The following IQCJ variants were observed in gnomAD, a reference collection of about 807,000 sequenced individuals.
IQCJ encodes the protein IQ domain-containing protein J.
A neutral mutation model predicts 11.0 loss-of-function variants in IQCJ; 9 were observed. That is an observed-to-expected ratio of 0.82 (90% CI 0.49 to 1.43). The LOEUF is 1.43. Among genes scored for constraint, IQCJ ranks in the 40% most tolerant of loss-of-function variants. The pLI, the probability that IQCJ is intolerant of heterozygous loss-of-function variation, is 0.00. For missense variants in IQCJ, 146 were observed against 133.2 expected, an observed-to-expected ratio of 1.10 and a Z score of -0.47; for synonymous variants, 55 against 51.3, an observed-to-expected ratio of 1.07 and a Z score of -0.31.
chr3:159,229,116 C>G (rs1726036253), intron 1 of IQCJ, among the ~76,000 whole-genome samples: 1 of 152,220 alleles, frequency 6.6e-6, no homozygotes, highest in Admixed American at 6.5e-5. Flanking sequence ...GTCTCTGTCT[C>G]TGACAATAAA....
chr3:159,223,011 C>A (rs527751741), intron 1 of IQCJ, among the ~76,000 whole-genome samples: 1 of 151,872 alleles, frequency 6.6e-6, no homozygotes, highest in East Asian at 1.9e-4. Flanking sequence ...TTTCATTATG[C>A]CAGAAGAAAA....
At chr3:159,231,730 G>A (rs1726260966) in intron 1 of IQCJ, among the ~76,000 whole-genome samples, 1 of 152,136 alleles carries the variant, frequency 6.6e-6, no homozygotes, top group South Asian at 2.1e-4. Flanking sequence ...TGTACCTCTG[G>A]TAGAATTCGG....
intron 1 of IQCJ, among the ~76,000 whole-genome samples, chr3:159,078,928 A>G (rs1716123025): frequency 6.6e-6 from 1 of 152,120 alleles, no homozygotes; most frequent in South Asian, 2.1e-4. Context: ...AGTGCATGGT[A>G]GATAGCAGAG....
At chr3:159,072,999 G>A (rs558148404) in intron 1 of IQCJ, among the ~76,000 whole-genome samples, 4 of 152,146 alleles carry the variant, frequency 2.6e-5, no homozygotes, top group African/African-American at 9.7e-5. Context: ...AGTAGTGCAA[G>A]TGGTTTATTT....
chr3:159,248,243 T>G (rs1286685389), intron 2 of IQCJ, among the ~76,000 whole-genome samples: 1 of 152,190 alleles, frequency 6.6e-6, no homozygotes, highest in African/African-American at 2.4e-5. Flanking sequence ...CCTTTCCATC[T>G]GGGCAAGGGT....
At chr3:159,075,193 T>C (rs912467990) in intron 1 of IQCJ, among the ~76,000 whole-genome samples, 6 of 152,158 alleles carry the variant, frequency 3.9e-5, no homozygotes, top group Non-Finnish European at 5.9e-5. Context: ...CAATGCAATA[T>C]GAGAAGCTCA....
At chr3:159,170,039 T>C (rs1722407456) in intron 1 of IQCJ, among the ~76,000 whole-genome samples, 1 of 152,168 alleles carries the variant, frequency 6.6e-6, no homozygotes, top group Non-Finnish European at 1.5e-5. Context: ...CCTTAGTAAG[T>C]GGTTAGTAAA....
At chr3:159,215,037 AG>A (rs1159038530) in intron 1 of IQCJ, among the ~76,000 whole-genome samples, 1 of 152,184 alleles carries the variant, frequency 6.6e-6, no homozygotes, top group African/African-American at 2.4e-5. Context: ...GGACCCCTAT[AG>A]TAAAGACAGG....
At chr3:159,069,610 CT>C (rs1715403866) in intron 1 of IQCJ, 169 bp downstream of exon 1, 2 of 865,814 alleles carry the variant, frequency 2.3e-6, no homozygotes, top group African/African-American at 3.4e-5. Context: ...TGCATGTGTC[CT>C]TGTTAATGTA....
chr3:159,250,309 GGT>G (rs982844566), intron 2 of IQCJ, among the ~76,000 whole-genome samples: 8 of 152,046 alleles, frequency 5.3e-5, no homozygotes, highest in African/African-American at 1.9e-4. Context: ...GAAAACATTA[GGT>G]CTGTCTTTGT....
At chr3:159,256,910 C>T (rs914966507) in intron 3 of IQCJ, among the ~76,000 whole-genome samples, 7 of 152,120 alleles carry the variant, frequency 4.6e-5, no homozygotes, top group African/African-American at 1.4e-4. Flanking sequence ...AATTTACATA[C>T]ATTATCCTTG....
At chr3:159,111,671 G>T (rs948577321) in intron 1 of IQCJ, among the ~76,000 whole-genome samples, 2 of 152,088 alleles carry the variant, frequency 1.3e-5, no homozygotes, top group African/African-American at 4.8e-5. Context: ...ATGGTGGAAT[G>T]CATCTGCTTG....
chr3:159,224,427 A>T (rs892299376), intron 1 of IQCJ, among the ~76,000 whole-genome samples: 8 of 152,212 alleles, frequency 5.3e-5, no homozygotes, highest in Admixed American at 1.3e-4. Context: ...AAAGAAAATA[A>T]GATTTGTCCT....
At chr3:159,241,746 T>C (rs540153212) in intron 1 of IQCJ, among the ~76,000 whole-genome samples, 11 of 152,350 alleles carry the variant, frequency 7.2e-5, no homozygotes, top group African/African-American at 2.2e-4. Flanking sequence ...GCAACTACTA[T>C]GTGCTGGGCA....
chr3:159,160,340 T>C (rs1721765880), intron 1 of IQCJ, among the ~76,000 whole-genome samples: 2 of 152,026 alleles, frequency 1.3e-5, no homozygotes, highest in South Asian at 4.2e-4. Flanking sequence ...TCTTGCTCTG[T>C]CACCAAAGCT....
intron 1 of IQCJ, among the ~76,000 whole-genome samples, chr3:159,147,340 C>T (rs1159700657): frequency 6.6e-6 from 1 of 152,206 alleles, no homozygotes; most frequent in African/African-American, 2.4e-5. Context: ...CCAGCTGATG[C>T]TGAGCACTTC....
At chr3:159,245,293 G>A (rs1205234905) in intron 1 of IQCJ, among the ~76,000 whole-genome samples, 1 of 151,280 alleles carries the variant, frequency 6.6e-6, no homozygotes, top group Non-Finnish European at 1.5e-5. Context: ...AAGAGTGTGG[G>A]TGGATCTATG....
At chr3:159,178,151 C>G (rs1301765518) in intron 1 of IQCJ, among the ~76,000 whole-genome samples, 1 of 152,076 alleles carries the variant, frequency 6.6e-6, no homozygotes, top group Non-Finnish European at 1.5e-5. Context: ...TTAAAGATTT[C>G]TTTATTTCTA....
chr3:159,147,065 A>G (rs1236260975), intron 1 of IQCJ, among the ~76,000 whole-genome samples: 6 of 152,352 alleles, frequency 3.9e-5, no homozygotes, highest in Non-Finnish European at 8.8e-5. Context: ...AGCCTTGAGA[A>G]CATTCTATTC....
Sources: gnomAD v4.1 joint callset for allele counts (sites outside exome capture counted in the v4.1 genomes callset) on GRCh38, gnomAD v4.1.1 for gene constraint, MANE v1.5 for transcripts, NCBI Gene and HGNC (gene_info 2026-07-23, HGNC 2026-07-21) for gene names.